The following PACS1 variants were observed in gnomAD, a reference collection of about 807,000 sequenced individuals.
PACS1 encodes the protein phosphofurin acidic cluster sorting protein 1.
A neutral mutation model predicts 115.0 loss-of-function variants in PACS1; 24 were observed. The observed-to-expected ratio is 0.21, with a 90% CI of 0.15 to 0.29. The LOEUF (loss-of-function observed/expected upper bound fraction) is 0.29. Ranked by LOEUF, PACS1 falls within the 10% of genes least tolerant of loss-of-function variation. PACS1 has a pLI of 1.00. For synonymous variants in PACS1, 453 were observed against 504.5 expected (o/e 0.90, Z 1.37); for missense variants, 838 against 1,251.2 (o/e 0.67, Z 4.98).
intron 13 of PACS1, chr11:66,231,943 G>A (rs889958696): frequency 4.3e-6 from 2 of 461,748 alleles, no homozygotes; most frequent in African/African-American, 4.0e-5. Context: ...AACCGCTGTG[G>A]CTTTGTTCCT....
intron 7 of PACS1, chr11:66,217,336 T>G: frequency 3.0e-6 from 1 of 329,016 alleles, no homozygotes; most frequent in Non-Finnish European, 6.0e-6. Flanking sequence ...AGTCACTGTT[T>G]TGATGACATT....
chr11:66,200,386 A>G (rs961820726), intron 2 of PACS1, among the ~76,000 whole-genome samples: 23 of 152,104 alleles, frequency 1.5e-4, no homozygotes, highest in African/African-American at 5.6e-4. Context: ...CCAAACATCT[A>G]TCGCCTACGA....
chr11:66,132,211 G>A (rs1858720488), intron 1 of PACS1, among the ~76,000 whole-genome samples: 1 of 152,016 alleles, frequency 6.6e-6, no homozygotes, highest in Admixed American at 6.5e-5. Flanking sequence ...ATTCTCACAA[G>A]ATCTGATGGT....
rs191571794 is a variant in PACS1 at position 66,102,368 on chromosome 11, A to T, written c.356+31526A>T. 6.7e-3 allele frequency among the ~76,000 whole-genome samples: 1,022 copies of T among 151,992 alleles called. 6 individuals are homozygous for T. The highest frequency in any genetic ancestry group is 0.027 in the Middle Eastern group (8 of 292). ...TGAGACGGGTCTCACTCTCTCACCC[A>T]GGCTGGAGGGCAGTGGTGCGATCTC... is the stretch of plus-strand genomic sequence containing the variant. On this transcript the variant is annotated intron_variant, in intron 1 of 23. Transcript: ENST00000320580.
chr11:66,095,746 C>A (rs1179028996), intron 1 of PACS1, among the ~76,000 whole-genome samples: 2 of 152,182 alleles, frequency 1.3e-5, no homozygotes, highest in African/African-American at 4.8e-5. Flanking sequence ...GCGTGAGCCA[C>A]CACGCCCGGC....
rs1452869413 is a variant in PACS1 at position 66,244,016 on chromosome 11, AGT to A, written c.*739_*740del. 1 of 152,038 alleles carries A rather than the reference AGT, an allele frequency of 6.6e-6. No individual in the cohort carries two copies. Among genetic ancestry groups the A allele is most frequent in the Non-Finnish European group, 1.5e-5 (1 of 68,094 alleles). The allele number at this position is 152,038 out of a possible 1,614,324, so 9.4% of individuals were successfully genotyped here. On this transcript the variant is annotated 3_prime_UTR_variant, in exon 24 of 24. Coordinates refer to ENST00000320580, the MANE Select transcript of PACS1 (RefSeq NM_018026.4). ...CCCTGCAGATGTCGTGTGTGTCCTG[AGT>A]GTTTCTTTGGTTCTTTGCACGCCAA... is the stretch of plus-strand genomic sequence containing the variant.
At chr11:66,087,943 G>A (rs993814220) in intron 1 of PACS1, among the ~76,000 whole-genome samples, 1 of 152,108 alleles carries the variant, frequency 6.6e-6, no homozygotes, top group Non-Finnish European at 1.5e-5. Context: ...TTGGGCTGGA[G>A]TAAAATGATT....
At chr11:66,127,935 G>A (rs569168102) in intron 1 of PACS1, among the ~76,000 whole-genome samples, 20 of 152,272 alleles carry the variant, frequency 1.3e-4, no homozygotes, top group African/African-American at 3.9e-4. Context: ...TTGATAAAAC[G>A]CCTAGATCTT....
chr11:66,227,673 T>G, intron 11 of PACS1, 89 bp downstream of exon 11: 1 of 790,830 alleles, frequency 1.3e-6, no homozygotes, highest in Non-Finnish European at 2.1e-6. Flanking sequence ...AGGACCACCA[T>G]AGAAATTTCA....
At position 66,131,387 on chromosome 11, in the gene PACS1, T is replaced by C. The variant is rs376885603; in HGVS notation, c.356+60545T>C. ...ATTTCTGTATATACTGGGTAGTCTT[T>C]GGATTTTCCTTTTATGAATGACCTG... On this transcript the variant is annotated intron_variant, in intron 1 of 23. Coordinates refer to ENST00000320580, the MANE Select transcript of PACS1 (RefSeq NM_018026.4). Among the ~76,000 whole-genome samples the C allele has an allele frequency of 8.7e-4, 132 of 152,354 alleles. 3 individuals carry two copies. The South Asian group carries it at 0.026, about 30-fold the overall frequency.
intron 21 of PACS1, 67 bp from the exon 22 acceptor site, chr11:66,241,360 C>T (rs1855810461): frequency 1.6e-6 from 2 of 1,253,448 alleles, no homozygotes; most frequent in Admixed American, 4.2e-5. Context: ...GGCCCCTACC[C>T]CATCAGGCCT....
At chr11:66,134,998 G>A (rs1199906028) in intron 1 of PACS1, among the ~76,000 whole-genome samples, 2 of 152,024 alleles carry the variant, frequency 1.3e-5, no homozygotes, top group Non-Finnish European at 1.5e-5. Context: ...ATCACCTGAG[G>A]TCAGGAGTTC....
intron 1 of PACS1, among the ~76,000 whole-genome samples, chr11:66,163,788 C>T (rs1278844816): frequency 6.6e-6 from 1 of 152,002 alleles, no homozygotes; most frequent in Non-Finnish European, 1.5e-5. Context: ...ATAGGTCTTG[C>T]CTTGAGGTGG....
At chr11:66,239,048 G>A (rs896840590) in intron 20 of PACS1, 94 bp from the exon 21 acceptor site, 146 of 1,577,656 alleles carry the variant, frequency 9.3e-5, no homozygotes, top group Non-Finnish European at 1.2e-4. Flanking sequence ...GAGGAAAGCA[G>A]GCCACAGGAT....
chr11:66,215,116 T>C (rs542148413), intron 4 of PACS1, among the ~76,000 whole-genome samples: 3 of 151,582 alleles, frequency 2.0e-5, no homozygotes, highest in Non-Finnish European at 4.4e-5. Context: ...GTATTTTTAG[T>C]AGAGACGGGG....
intron 1 of PACS1, among the ~76,000 whole-genome samples, chr11:66,083,721 A>T (rs1332150212): frequency 2.6e-5 from 4 of 152,196 alleles, no homozygotes; most frequent in African/African-American, 9.7e-5. Context: ...ACTGTTTAGG[A>T]CTGTGGCTCT....
intron 1 of PACS1, among the ~76,000 whole-genome samples, chr11:66,132,785 T>C (rs1858733559): frequency 6.6e-6 from 1 of 152,098 alleles, no homozygotes; most frequent in African/African-American, 2.4e-5. Flanking sequence ...TCTCATGCCT[T>C]AGTCTGCTGA....
rs567518514 is a variant in PACS1 at position 66,233,527 on chromosome 11, C to T, written c.1839-258C>T. ...TGGGGGCACACACCCTGCGGGCATC[C>T]CAGGCACACTGCCGAGTCCTACGTT... On this transcript the variant is annotated intron_variant, in intron 15 of 23. Coordinates refer to ENST00000320580, the MANE Select transcript of PACS1 (RefSeq NM_018026.4). This position sits in a 1 kb window ranked among gnomAD's most constrained non-coding sequence, Gnocchi z 4.5. Among the ~76,000 whole-genome samples the T allele has an allele frequency of 6.6e-6, 1 of 152,338 alleles. No individual in the cohort carries two copies. The highest frequency in any genetic ancestry group is 2.1e-4 in the South Asian group (1 of 4,830).
chr11:66,153,368 G>T (rs1384612984), intron 1 of PACS1, among the ~76,000 whole-genome samples: 1 of 152,198 alleles, frequency 6.6e-6, no homozygotes, highest in African/African-American at 2.4e-5. Flanking sequence ...ATATAGGTTG[G>T]TCACAGTGGC....
Sources: gnomAD v4.1 joint callset for allele counts (sites outside exome capture counted in the v4.1 genomes callset) on GRCh38, gnomAD v4.1.1 for gene constraint, Gnocchi (gnomAD v3.1) non-coding constraint, MANE v1.5 for transcripts, NCBI Gene and HGNC (gene_info 2026-07-23, HGNC 2026-07-21) for gene names.